Variants in DSCAM observed in about 807,000 individuals in gnomAD.
The protein encoded by DSCAM is DS cell adhesion molecule.
Under a neutral mutation model 217.7 loss-of-function variants are expected in DSCAM, and 47 were observed. That is an observed-to-expected ratio of 0.22 (90% CI 0.17 to 0.28). DSCAM has a LOEUF of 0.28. DSCAM is among the 10% of genes least tolerant of loss of function. The pLI is 1.00. For synonymous variants in DSCAM, 1,056 were observed against 1,015.3 expected (o/e 1.04, Z -0.76); for missense variants, 2,080 against 2,618.3 (o/e 0.79, Z 4.49).
intron 3 of DSCAM, among the ~76,000 whole-genome samples, chr21:40,580,449 C>T (rs1022814332): frequency 6.0e-4 from 91 of 151,586 alleles, no homozygotes; most frequent in African/African-American, 2.1e-3. Context: ...AGGGGAATTG[C>T]TTGAACTCAA....
chr21:40,188,229 G>C (rs2090916446), intron 12 of DSCAM, among the ~76,000 whole-genome samples: 1 of 152,176 alleles, frequency 6.6e-6, no homozygotes, highest in South Asian at 2.1e-4. Context: ...TAGGCGGATG[G>C]ATAGGATTCA....
At chr21:40,531,269 G>A (rs1468398785) in intron 3 of DSCAM, among the ~76,000 whole-genome samples, 6 of 152,156 alleles carry the variant, frequency 3.9e-5, no homozygotes, top group African/African-American at 7.2e-5. Context: ...GCCGGTCTCA[G>A]GCGCATTATG....
chr21:40,671,611 A>C (rs9975830), intron 3 of DSCAM, among the ~76,000 whole-genome samples: 132,364 of 150,876 alleles, frequency 0.88, 58,291 homozygotes, highest in East Asian at 1. Context: ...ATTGCATGAA[A>C]CTGGGAGGTG....
At chr21:40,046,903 G>A (rs558957628) in intron 30 of DSCAM, among the ~76,000 whole-genome samples, 2 of 151,818 alleles carry the variant, frequency 1.3e-5, no homozygotes, top group Non-Finnish European at 2.9e-5. Flanking sequence ...GATCTTCACT[G>A]TCATAGCCCC....
At chr21:40,364,835 T>C (rs2074814272) in intron 4 of DSCAM, among the ~76,000 whole-genome samples, 1 of 148,880 alleles carries the variant, frequency 6.7e-6, no homozygotes, top group South Asian at 2.1e-4. Context: ...GAGCTTAGGA[T>C]AAAAAGTACA....
At position 40,765,535 on chromosome 21, in the gene DSCAM, A is replaced by T. The variant is rs186954288; in HGVS notation, c.44-56764T>A. Among the ~76,000 whole-genome samples the T allele has an allele frequency of 1.0e-3, 152 of 152,308 alleles. 2 individuals carry two copies. In the East Asian group the frequency reaches 0.023, roughly 23 times the overall value. ...AGGACCAAAGAAAAAAAATTTTTTT[A>T]AACTTTGTTTCCTGAGAGACACATT... On this transcript the variant is annotated intron_variant, in intron 1 of 32. Transcript: ENST00000400454.
At chr21:40,531,382 T>C (rs984123640) in intron 3 of DSCAM, among the ~76,000 whole-genome samples, 1 of 152,212 alleles carries the variant, frequency 6.6e-6, no homozygotes, top group Non-Finnish European at 1.5e-5. Flanking sequence ...TCCTTTCTTA[T>C]AGCCACATGC....
Position 40,186,130 on chromosome 21 carries a change from C to T in DSCAM, c.2779+1001G>A, listed in dbSNP as rs117253399. On this transcript the variant is annotated intron_variant, in intron 14 of 32. Transcript: ENST00000400454. ...TTCAAATTCTGTTCTCCTGAATTCC[C>T]GAAGAGTCACCCCTCGGCTTGCCTT... Among the ~76,000 whole-genome samples the T allele has an allele frequency of 7.2e-3, 1,099 of 152,246 alleles. 5 individuals are homozygous for T. The highest frequency in any genetic ancestry group is 0.012 in the Non-Finnish European group (795 of 68,012).
intron 1 of DSCAM, among the ~76,000 whole-genome samples, chr21:40,836,498 G>A (rs1049241280): frequency 3.3e-5 from 5 of 152,104 alleles, no homozygotes; most frequent in Non-Finnish European, 5.9e-5. Flanking sequence ...CAATTATCCC[G>A]AAAGATGCCC....
At chr21:40,175,813 A>ACG (rs1383607068) in intron 15 of DSCAM, among the ~76,000 whole-genome samples, 83 of 140,822 alleles carry the variant, frequency 5.9e-4, no homozygotes, top group Middle Eastern at 7.1e-3. Context: ...ACACACGCAC[A>ACG]CACACACACA....
chr21:40,828,904 C>T (rs1247700125), intron 1 of DSCAM, among the ~76,000 whole-genome samples: 4 of 152,146 alleles, frequency 2.6e-5, no homozygotes, highest in Non-Finnish European at 2.9e-5. Flanking sequence ...GTGATCCACC[C>T]GCCTCGGCCT....
intron 3 of DSCAM, among the ~76,000 whole-genome samples, chr21:40,393,072 G>C (rs1330486643): frequency 1.3e-5 from 2 of 152,150 alleles, no homozygotes; most frequent in Non-Finnish European, 2.9e-5. Context: ...AGCTCCAAAG[G>C]CTGGTTCCCT....
chr21:40,146,318 T>G (rs2090357056), intron 16 of DSCAM, among the ~76,000 whole-genome samples: 5 of 151,020 alleles, frequency 3.3e-5, no homozygotes, highest in South Asian at 2.1e-4. Flanking sequence ...ATGGGGTGAG[T>G]GGAGCCTGCA....
At chr21:40,166,510 G>A (rs1211791727) in intron 16 of DSCAM, among the ~76,000 whole-genome samples, 51 of 152,230 alleles carry the variant, frequency 3.4e-4, no homozygotes, top group Non-Finnish European at 1.5e-5. Context: ...AACAGTGGTG[G>A]TTGGTGATGA....
chr21:40,489,674 C>T (rs2076058844), intron 3 of DSCAM, among the ~76,000 whole-genome samples: 1 of 141,716 alleles, frequency 7.1e-6, no homozygotes, highest in Non-Finnish European at 1.5e-5. Flanking sequence ...ACTCGGGAGG[C>T]TGAGGCAGGA....
chr21:40,689,699 G>A (rs1318657986), intron 3 of DSCAM, among the ~76,000 whole-genome samples: 2 of 152,234 alleles, frequency 1.3e-5, no homozygotes, highest in Admixed American at 1.3e-4. Flanking sequence ...AGCAGGCTGG[G>A]ATGACTTGAT....
At chr21:40,631,072 C>T (rs2089685279) in intron 3 of DSCAM, among the ~76,000 whole-genome samples, 1 of 152,114 alleles carries the variant, frequency 6.6e-6, no homozygotes, top group South Asian at 2.1e-4. Flanking sequence ...TTAAGGACAC[C>T]ATGTTATGTA....
chr21:40,486,431 A>G (rs1180206172), intron 3 of DSCAM, among the ~76,000 whole-genome samples: 2 of 152,024 alleles, frequency 1.3e-5, no homozygotes, highest in Non-Finnish European at 2.9e-5. Context: ...AATGTCAAGT[A>G]AAAGAGGCAG....
intron 3 of DSCAM, among the ~76,000 whole-genome samples, chr21:40,528,188 C>T (rs1438652364): frequency 6.6e-6 from 1 of 152,078 alleles, no homozygotes; most frequent in East Asian, 1.9e-4. Context: ...CAGTCCTGAC[C>T]CATATTTAAT....
Sources: gnomAD v4.1 joint callset for allele counts (sites outside exome capture counted in the v4.1 genomes callset) on GRCh38, gnomAD v4.1.1 for gene constraint, MANE v1.5 for transcripts, NCBI Gene and HGNC (gene_info 2026-07-23, HGNC 2026-07-21) for gene names.